MOV10L1: variants seen among roughly 807,000 people sequenced by gnomAD.
MOV10L1 encodes the protein Mov10 like RNA helicase 1.
Under a neutral mutation model 143.8 loss-of-function variants are expected in MOV10L1, and 110 were observed. That is an observed-to-expected ratio of 0.76 (90% CI 0.66 to 0.90). The LOEUF is 0.90. MOV10L1 is among the 40% of genes least tolerant of loss of function. The pLI is 0.00. For synonymous variants in MOV10L1, 593 were observed against 581.1 expected, an observed-to-expected ratio of 1.02 and a Z score of -0.29; for missense variants, 1,406 against 1,526.8, an observed-to-expected ratio of 0.92 and a Z score of 1.32.
At chr22:50,104,191 G>A (rs1355904394) in intron 3 of MOV10L1, among the ~76,000 whole-genome samples, 1 of 152,228 alleles carries the variant, frequency 6.6e-6, no homozygotes, top group African/African-American at 2.4e-5. Flanking sequence ...CGCTCAGGCT[G>A]TAATGTGAGC....
chr22:50,128,399 G>A lies in MOV10L1; in HGVS notation c.1819-17G>A. On this transcript the variant is annotated splice_polypyrimidine_tract_variant and intron_variant, in intron 12 of 26. Coordinates refer to ENST00000262794, the MANE Select transcript of MOV10L1 (RefSeq NM_018995.3). ...ATTATTTCAAGAAATCAGGTATATTGTTTGTTCCTTTTTTAGATTCATGAA... is the reference window on the plus strand; with the variant it reads ...ATTATTTCAAGAAATCAGGTATATTATTTGTTCCTTTTTTAGATTCATGAA... 7.7e-7 allele frequency: 1 copy of A among 1,293,550 alleles called. No homozygotes were observed. Among genetic ancestry groups the A allele is most frequent in the Admixed American group, 2.0e-5 (1 of 49,618 alleles). The allele number at this position is 1,293,550 out of a possible 1,614,324, so 80.1% of individuals were successfully genotyped here.
rs772784346 is a variant in MOV10L1, at chr22:50,153,126, G to A, written c.2974G>A (p.Glu992Lys). 32 of 1,613,936 alleles carry A rather than the reference G, an allele frequency of 2.0e-5. No individual in the cohort carries two copies. Among genetic ancestry groups the A allele is most frequent in the Admixed American group, 3.3e-5 (2 of 60,004 alleles). The change falls in exon 22 of 27, where the codon GAG becomes AAG. Residue 992 changes from glutamate to lysine, a missense_variant. Physicochemically the swap from Glu to Lys is moderately conservative, Grantham distance 56. Transcript: ENST00000262794. ...ACGGCTGTTCTACCACAGGGAACTC[G>A]AGGTCTGTGCGGACCCCACAGTGGT... is the stretch of plus-strand genomic sequence containing the variant. The part of the protein sequence containing the change: ...PSRLFYHREL[E>K]VCADPTVVTS...
At chr22:50,146,493 G>A (rs1389763122) in intron 19 of MOV10L1, among the ~76,000 whole-genome samples, 3 of 152,138 alleles carry the variant, frequency 2.0e-5, no homozygotes, top group African/African-American at 4.8e-5. Context: ...GGAGGCAGCA[G>A]GCAGCTCCCT....
intron 3 of MOV10L1, among the ~76,000 whole-genome samples, chr22:50,101,437 G>A (rs1468491950): frequency 4.0e-5 from 6 of 151,530 alleles, no homozygotes; most frequent in East Asian, 3.9e-4. Context: ...GGATGGTCTC[G>A]ATCTCCTGAC....
chr22:50,108,434 T>C, intron 4 of MOV10L1, 186 bp downstream of exon 4: 1 of 758,066 alleles, frequency 1.3e-6, no homozygotes, highest in South Asian at 1.5e-5. Flanking sequence ...TAACTCCTAG[T>C]GCTTGCATAC....
intron 8 of MOV10L1, among the ~76,000 whole-genome samples, chr22:50,116,334 C>G (rs2062175018): frequency 6.6e-6 from 1 of 151,704 alleles, no homozygotes; most frequent in East Asian, 2.0e-4. Flanking sequence ...GTAGTCCCAG[C>G]TACTCAGGAG....
intron 11 of MOV10L1, among the ~76,000 whole-genome samples, 158 bp from the exon 12 acceptor site, chr22:50,126,044 G>A (rs945415011): frequency 4.6e-5 from 7 of 151,648 alleles, no homozygotes; most frequent in Admixed American, 2.0e-4. Flanking sequence ...CGCCCGCCTC[G>A]GCCTCTCAAA....
In MOV10L1 at chr22:50,090,055, CGGCGGTGACGGCAGCCTAGGCCGGGCGAG is replaced by C; in HGVS notation, c.-30_-2del. 1.7e-6 allele frequency: 2 copies of C among 1,166,286 alleles called. No homozygotes were observed. Among genetic ancestry groups the C allele is most frequent in the Non-Finnish European group, 1.1e-6 (1 of 952,216 alleles). 72.2% of individuals were successfully genotyped at this position (1,166,286 alleles called of 1,614,324 possible). ...CGCGGGCGCGTGCGGGCGGCGGCAG[CGGCGGTGACGGCAGCCTAGGCCGGGCGAG>C]GGCCATGCTGAGCCTCGCAGCCAAG... On this transcript the variant is annotated 5_prime_UTR_variant, in exon 1 of 27. Coordinates refer to ENST00000262794, the MANE Select transcript of MOV10L1 (RefSeq NM_018995.3).
chr22:50,090,309 C>T (rs1028468831), intron 1 of MOV10L1, 124 bp downstream of exon 1: 2 of 1,460,148 alleles, frequency 1.4e-6, no homozygotes, highest in African/African-American at 2.8e-5. Flanking sequence ...CCGGCCTTTC[C>T]TCATCTCCGC....
chr22:50,135,435 T>G (rs2062797877), intron 15 of MOV10L1, among the ~76,000 whole-genome samples: 1 of 152,190 alleles, frequency 6.6e-6, no homozygotes, highest in South Asian at 2.1e-4. Context: ...TTGCAAACTT[T>G]GTGAATGTTG....
At chr22:50,107,588 T>A (rs763321112) in intron 3 of MOV10L1, among the ~76,000 whole-genome samples, 11 of 152,220 alleles carry the variant, frequency 7.2e-5, no homozygotes, top group Non-Finnish European at 1.2e-4. Context: ...CTCTCTGTTC[T>A]GTCAGCACCA....
intron 3 of MOV10L1, among the ~76,000 whole-genome samples, chr22:50,105,024 T>C (rs1790410943): frequency 6.6e-6 from 1 of 152,048 alleles, no homozygotes; most frequent in South Asian, 2.1e-4. Flanking sequence ...CCCTAGTAGC[T>C]GGGACTACAT....
chr22:50,103,450 G>A (rs911598820), intron 3 of MOV10L1, among the ~76,000 whole-genome samples: 6 of 152,198 alleles, frequency 3.9e-5, no homozygotes, highest in African/African-American at 1.4e-4. Flanking sequence ...CAACATCTAG[G>A]CTGAAGCACT....
At chr22:50,106,438 A>G (rs1273025630) in intron 3 of MOV10L1, among the ~76,000 whole-genome samples, 3 of 150,564 alleles carry the variant, frequency 2.0e-5, no homozygotes, top group Non-Finnish European at 4.4e-5. Flanking sequence ...AGTGCTAGAA[A>G]TCTTTACTAT....
rs780380555 is a variant in MOV10L1 at position 50,125,507 on chromosome 22, A to G, written c.1685A>G (p.Asn562Ser). 1.9e-6 allele frequency: 3 copies of G among 1,614,072 alleles called. No individual in the cohort carries two copies. Among genetic ancestry groups the G allele is most frequent in the African/African-American group, 1.3e-5 (1 of 74,924 alleles). ...ATGAGCGGGATCATCTTAAGAAGGAATGGGGATCTGCTGGTTCTGGAGGTC... is the reference window on the plus strand; with the variant it reads ...ATGAGCGGGATCATCTTAAGAAGGAGTGGGGATCTGCTGGTTCTGGAGGTC... The part of the protein sequence containing the change: ...YNMSGIILRR[N>S]GDLLVLEVPG... Residue 562 changes from asparagine to serine, a missense_variant, in exon 11 of 27, where the codon AAT (asparagine) becomes AGT (serine). Asn to Ser is a conservative substitution (Grantham distance 46). Around this residue, in one of 3 missense-constraint regions of MOV10L1, gnomAD observed 1,233 missense variants for 1,351.4 expected, o/e 0.91. Coordinates refer to ENST00000262794, the MANE Select transcript of MOV10L1 (RefSeq NM_018995.3).
intron 2 of MOV10L1, chr22:50,095,623 A>C (rs1291192287): frequency 1.3e-5 from 2 of 152,198 alleles, no homozygotes; most frequent in Non-Finnish European, 2.9e-5. Flanking sequence ...CGTTGATTTT[A>C]AGATACACCA....
In MOV10L1 at chr22:50,161,044, G is replaced by A; in HGVS notation, c.3543G>A (p.Gln1181=). 1 of 1,614,076 alleles carries A rather than the reference G, an allele frequency of 6.2e-7. No individual in the cohort carries two copies. The highest frequency in any genetic ancestry group is 8.5e-7 in the Non-Finnish European group (1 of 1,179,984). The change falls in exon 26 of 27, where the codon CAG becomes CAA. Residue 1181 remains glutamine, a synonymous_variant. Transcript: ENST00000262794. ...GATGCGATTTACCTCCTGCACTGCA[G>A]TCTCTGCAAAAGTGAGCGCTTCTGC... ...YMGCDLPPAL[Q]SLQNCGEGVA...
chr22:50,128,773 G>C (rs2062588553), intron 13 of MOV10L1, among the ~76,000 whole-genome samples: 1 of 151,534 alleles, frequency 6.6e-6, no homozygotes. Flanking sequence ...TTGAACTCCT[G>C]ACCTTGTGAT....
chr22:50,112,396 C>A (rs2062049159), intron 5 of MOV10L1, among the ~76,000 whole-genome samples: 1 of 152,218 alleles, frequency 6.6e-6, no homozygotes, highest in Non-Finnish European at 1.5e-5. Context: ...CTGACCTCAT[C>A]CCCAGGCAGA....
Sources: gnomAD v4.1 joint callset for allele counts (sites outside exome capture counted in the v4.1 genomes callset) on GRCh38, gnomAD v4.1.1 for gene constraint, gnomAD v4.1.1 regional missense constraint, MANE v1.5 for transcripts, NCBI Gene and HGNC (gene_info 2026-07-23, HGNC 2026-07-21) for gene names.